WDR81: variants seen among roughly 807,000 people sequenced by gnomAD.
WDR81 encodes WD repeat domain 81, also known as WD repeat-containing protein 81.
A neutral mutation model predicts 140.8 loss-of-function variants in WDR81; 92 were observed. The observed-to-expected ratio is 0.65, with a 90% confidence interval of 0.55 to 0.78. The LOEUF (loss-of-function observed/expected upper bound fraction) is 0.78, where lower values mean the gene tolerates loss of function less well. WDR81 is among the 30% of genes least tolerant of loss of function. WDR81 has a pLI of 0.00. For missense variants in WDR81, 2,502 were observed against 2,636.4 expected (o/e 0.95, Z 1.12); for synonymous variants, 1,183 against 1,156.4 (o/e 1.02, Z -0.47).
Position 1,726,055 on chromosome 17 carries a change from C to A in WDR81, c.1096C>A (p.Leu366Met). The A allele has an allele frequency of 6.5e-7, 1 of 1,547,498 alleles. No individual in the cohort carries two copies. Among genetic ancestry groups the A allele is most frequent in the Non-Finnish European group, 8.7e-7 (1 of 1,144,914 alleles). ...RISNFHYLMQ[L>M]NRLAGRRQGD... The stretch of plus-strand genomic sequence containing the variant: ...CAGCAACTTCCACTACCTCATGCAG[C>A]TGAATCGGTTGGCAGGTCGGCGGCA... Residue 366 changes from leucine to methionine, a missense_variant, in exon 1 of 10, where the codon CTG (leucine) becomes ATG (methionine). By Grantham distance (15) the Leu-to-Met change is conservative. Coordinates refer to ENST00000409644, the MANE Select transcript of WDR81 (RefSeq NM_001163809.2).
chr17:1,717,567 T>A (rs1272109418), intron 1 of WDR81, among the ~76,000 whole-genome samples: 2 of 152,160 alleles, frequency 1.3e-5, no homozygotes, highest in African/African-American at 4.8e-5. Context: ...TAAGGAAACT[T>A]CCTGCCTTGC....
chr17:1,725,472 C>G lies in WDR81; in HGVS notation c.513C>G (p.Val171=). 1 of 1,548,822 alleles carries G rather than the reference C, an allele frequency of 6.5e-7. No homozygotes were observed. Among genetic ancestry groups the G allele is most frequent in the South Asian group, 1.2e-5 (1 of 84,064 alleles). ...PYSHSPAPSA[V]PALDSVRQAL... is the part of the protein sequence containing the mutation. The stretch of plus-strand genomic sequence containing the variant: ...GTCACAGCCCTGCCCCCTCAGCTGT[C>G]CCTGCCTTGGACTCAGTACGGCAGG... The change falls in exon 1 of 10, where the codon GTC becomes GTG. Residue 171 remains valine, a synonymous_variant. Coordinates refer to ENST00000409644, the MANE Select transcript of WDR81 (RefSeq NM_001163809.2).
chr17:1,724,504 A>C (rs3887549), upstream of WDR81: 495,802 of 985,582 alleles, frequency 0.5, 126,631 homozygotes, highest in East Asian at 0.72. Flanking sequence ...GTGGGGCGGT[A>C]GGCATCGCCC....
At chr17:1,716,782 AGGAAAGGTGGAGCGGACCAAG>A in intron 1 of WDR81, 1 of 907,688 alleles carries the variant, frequency 1.1e-6, no homozygotes, top group Non-Finnish European at 1.7e-6. Flanking sequence ...TAGCTCTTTA[AGGAAAGGTGGAGCGGACCAAG>A]GAGCAGGAGT....
rs1915310899 is a variant in WDR81 at position 1,726,841 on chromosome 17, C to A, written c.1882C>A (p.Gln628Lys). ...GREDFTENPGQLPNGVGRPVL... is the reference protein window; with the variant it reads ...GREDFTENPGKLPNGVGRPVL... Reference sequence around the variant, plus strand: ...GGAGGACTTCACGGAAAACCCGGGACAGCTTCCAAATGGAGTGGGCCGGCC... The same window carrying A: ...GGAGGACTTCACGGAAAACCCGGGAAAGCTTCCAAATGGAGTGGGCCGGCC... Residue 628 changes from glutamine (Q) to lysine (K), a missense_variant, in exon 1 of 10, where the codon CAG becomes AAG. This residue lies in a region of WDR81 where 1,737 missense variants were observed against 1,843.0 expected (regional missense o/e 0.94). Transcript: ENST00000409644. The A allele has an allele frequency of 6.5e-7, 1 of 1,550,082 alleles. No individual in the cohort carries two copies. Among genetic ancestry groups the A allele is most frequent in the Admixed American group, 2.0e-5 (1 of 50,982 alleles).
chr17:1,735,723 G>C lies in WDR81; in HGVS notation c.5325+6G>C, dbSNP rs115714169. Reference sequence around the variant, plus strand: ...GCAGGAAGCCTGGTCTGCAGGTCAGGGGGGTCCAGTTCCCTGAGCACTCGC... The same window carrying C: ...GCAGGAAGCCTGGTCTGCAGGTCAGCGGGGTCCAGTTCCCTGAGCACTCGC... On this transcript the variant is annotated splice_donor_region_variant and intron_variant, in intron 8 of 9. Coordinates refer to ENST00000409644, the MANE Select transcript of WDR81 (RefSeq NM_001163809.2). This position sits in a 1 kb window ranked among gnomAD's most constrained non-coding sequence, Gnocchi z 4.2. 2,448 of 1,609,330 alleles carry C rather than the reference G, an allele frequency of 1.5e-3. 31 individuals carry two copies. In the African/African-American group the frequency reaches 0.028, roughly 19 times the overall value.
upstream of WDR81, among the ~76,000 whole-genome samples, chr17:1,719,837 T>A (rs1914772149): frequency 6.6e-6 from 1 of 152,044 alleles, no homozygotes; most frequent in African/African-American, 2.4e-5. Flanking sequence ...ACTCTAGCTC[T>A]ACCCAAAATA....
chr17:1,717,954 G>A (rs1195287789), intron 1 of WDR81, among the ~76,000 whole-genome samples: 4 of 152,078 alleles, frequency 2.6e-5, no homozygotes, highest in African/African-American at 9.7e-5. Flanking sequence ...GACCAAGCCT[G>A]GGGAGGAGGA....
rs775240530 is a variant in WDR81, at chr17:1,726,143, G to A, written c.1184G>A (p.Arg395His). Residue 395 changes from arginine to histidine, a missense_variant, in exon 1 of 10, where the codon CGC (arginine) becomes CAC (histidine). Physicochemically the swap from Arg to His is conservative, Grantham distance 29 (BLOSUM62 0). Coordinates refer to ENST00000409644, the MANE Select transcript of WDR81 (RefSeq NM_001163809.2). ...WVVDFTTPHG[R>H]FRDLRKSKFR... Reference sequence around the variant, plus strand: ...GTGGACTTCACTACGCCCCATGGGCGCTTCCGAGACCTGCGCAAGTCCAAG... The same window carrying A: ...GTGGACTTCACTACGCCCCATGGGCACTTCCGAGACCTGCGCAAGTCCAAG... The A allele has an allele frequency of 7.2e-6, 11 of 1,527,830 alleles. No homozygotes were observed. Among genetic ancestry groups the A allele is most frequent in the East Asian group, 4.9e-5 (2 of 40,536 alleles). 94.6% of individuals were successfully genotyped at this position (1,527,830 alleles called of 1,614,324 possible). A position where few individuals can be genotyped will look rare whatever the true frequency, so the allele number is the denominator to read the frequency against.
chr17:1,735,451 C>T lies in WDR81; in HGVS notation c.5180-121C>T. On this transcript the variant is annotated intron_variant, in intron 7 of 9. Coordinates refer to ENST00000409644, the MANE Select transcript of WDR81 (RefSeq NM_001163809.2). The surrounding 1 kb of genome is among the most constrained non-coding windows in gnomAD (Gnocchi z 4.2). ...CTCAAAAAAAGAGAAACATCTTTAG[C>T]ATTTTCTAAGGATCCCTGGGGGACG... 1.9e-6 allele frequency: 2 copies of T among 1,069,068 alleles called. No homozygotes were observed. Among genetic ancestry groups the T allele is most frequent in the East Asian group, 2.9e-5 (1 of 34,060 alleles). The allele number at this position is 1,069,068 out of a possible 1,614,324, so 66.2% of individuals were successfully genotyped here. A position where few individuals can be genotyped will look rare whatever the true frequency, so the allele number is the denominator to read the frequency against.
chr17:1,727,258 C>T lies in WDR81; in HGVS notation c.2299C>T (p.Leu767Phe), dbSNP rs1915345457. ...GCCGGCTGTGCCACTGCAGTGCCTA[C>T]TCCACAGGGACATGCAGGCGCTGGG... is the stretch of plus-strand genomic sequence containing the variant. ...VQPAVPLQCL[L>F]HRDMQALGVL... is the part of the protein sequence containing the mutation. Residue 767 changes from leucine to phenylalanine, a missense_variant, in exon 1 of 10, where the codon CTC (leucine) becomes TTC (phenylalanine). Leu to Phe is a conservative substitution (Grantham distance 22). Coordinates refer to ENST00000409644, the MANE Select transcript of WDR81 (RefSeq NM_001163809.2). The T allele has an allele frequency of 6.5e-7, 1 of 1,550,214 alleles. No individual in the cohort carries two copies. The highest frequency in any genetic ancestry group is 8.7e-7 in the Non-Finnish European group (1 of 1,146,962).
intron 9 of WDR81, among the ~76,000 whole-genome samples, 154 bp downstream of exon 9, chr17:1,736,372 C>T (rs535700676): frequency 6.6e-6 from 1 of 152,256 alleles, no homozygotes; most frequent in Non-Finnish European, 1.5e-5. Flanking sequence ...GTAGCCCTCT[C>T]GGTCCACCTT....
In WDR81 at chr17:1,730,804, G is replaced by A; in HGVS notation, c.3825G>A (p.Leu1275=). 1 of 1,612,352 alleles carries A rather than the reference G, an allele frequency of 6.2e-7. No individual in the cohort carries two copies. Among genetic ancestry groups the A allele is most frequent in the Non-Finnish European group, 8.5e-7 (1 of 1,179,926 alleles). Residue 1275 remains leucine (L), a synonymous_variant, in exon 3 of 10, where the codon CTG becomes CTA. Transcript: ENST00000409644. Reference sequence around the variant, plus strand: ...TGAGCAGTGGCGAGAGCCCACCGCTGAGCGCCGGCAACATCTACCAGAAGA... The same window carrying A: ...TGAGCAGTGGCGAGAGCCCACCGCTAAGCGCCGGCAACATCTACCAGAAGA... ...FTVSSGESPP[L]SAGNIYQKRP...
At chr17:1,716,610 C>G in exon 1 of WDR81, 1 of 1,551,538 alleles carries the variant, frequency 6.4e-7, no homozygotes, top group South Asian at 1.2e-5. Flanking sequence ...CTGACACCGT[C>G]GTTCCCAGAA....
Position 1,733,573 on chromosome 17 carries a change from G to T in WDR81, c.4536G>T (p.Glu1512Asp), listed in dbSNP as rs776904132. The change falls in exon 7 of 10, where the codon GAG (glutamate) becomes GAT (aspartate). Residue 1512 changes from glutamate to aspartate, a missense_variant. Physicochemically the swap from Glu to Asp is conservative, Grantham distance 45. Transcript: ENST00000409644. ...TCCCCAACCACGAGCTGGTTGGGGAGCTGGCGGCGCTGTACTTGGAGAGCA... is the reference window on the plus strand; with the variant it reads ...TCCCCAACCACGAGCTGGTTGGGGATCTGGCGGCGCTGTACTTGGAGAGCA... ...KIIPNHELVG[E>D]LAALYLESIS... The T allele has an allele frequency of 2.0e-6, 3 of 1,526,356 alleles. No individual in the cohort carries two copies. Among genetic ancestry groups the T allele is most frequent in the Non-Finnish European group, 2.6e-6 (3 of 1,137,928 alleles). 94.6% of individuals were successfully genotyped at this position (1,526,356 alleles called of 1,614,324 possible).
Position 1,730,386 on chromosome 17 carries a change from C to T in WDR81, c.3674C>T (p.Ala1225Val). 6.2e-7 allele frequency: 1 copy of T among 1,611,896 alleles called. No individual in the cohort carries two copies. Among genetic ancestry groups the T allele is most frequent in the Non-Finnish European group, 8.5e-7 (1 of 1,179,364 alleles). ...GCCTGCTCCCACCCCGCAGATACAGCCTGCAAGATGGTCCGCTGGCTGTCT... is the reference window on the plus strand; with the variant it reads ...GCCTGCTCCCACCCCGCAGATACAGTCTGCAAGATGGTCCGCTGGCTGTCT... ...GKEQKILLDT[A>V]CKMVRWLSAK... The change falls in exon 2 of 10, where the codon GCC (alanine) becomes GTC (valine). Residue 1225 changes from alanine (A) to valine (V), a missense_variant. Physicochemically the swap from Ala to Val is moderately conservative, Grantham distance 64. Transcript: ENST00000409644.
chr17:1,724,652 C>G (rs1915086837), upstream of WDR81: 3 of 1,032,322 alleles, frequency 2.9e-6, no homozygotes, highest in East Asian at 1.7e-4. Flanking sequence ...GCCCGGGCCT[C>G]TGGAGCCACG....
intron 1 of WDR81, 54 bp from the exon 2 acceptor site, chr17:1,730,326 G>C: frequency 1.4e-6 from 2 of 1,451,924 alleles, no homozygotes; most frequent in Non-Finnish European, 1.9e-6. Flanking sequence ...TGGGGTGGGA[G>C]GGGTGATGAG....
In WDR81 at chr17:1,732,587, C is replaced by T. The variant is rs558405429; in HGVS notation, c.4324-79C>T. The T allele has an allele frequency of 2.2e-5, 34 of 1,567,900 alleles. No homozygotes were observed. In the East Asian group the frequency reaches 2.9e-4, roughly 14 times the overall value. ...GCTCATAGGATCTGAAGCTGGACTC[C>T]GCGGGCCGTGGCGAGGACCAGGGTG... On this transcript the variant is annotated intron_variant, in intron 5 of 9. Transcript: ENST00000409644.
Sources: allele counts gnomAD v4.1 joint callset (sites outside exome capture counted in the v4.1 genomes callset), GRCh38; gene constraint gnomAD v4.1.1; regional missense constraint gnomAD v4.1.1; non-coding constraint Gnocchi (gnomAD v3.1); transcripts MANE v1.5; gene names NCBI Gene and HGNC (gene_info 2026-07-23, HGNC 2026-07-21).